ZBTB10: variants seen among roughly 807,000 people sequenced by gnomAD.
ZBTB10 encodes zinc finger and BTB domain-containing protein 10.
ZBTB10 carries 32 observed loss-of-function variants against 76.4 expected under a neutral mutation model. The ratio of observed to expected loss-of-function variants is 0.42; its 90% CI spans 0.32 to 0.56. ZBTB10 has a LOEUF of 0.56. ZBTB10 is among the 20% of genes least tolerant of loss of function. ZBTB10 has a pLI of 0.14. For synonymous variants in ZBTB10, 523 were observed against 432.9 expected (o/e 1.21, Z -2.58); for missense variants, 1,057 against 1,098.5 (o/e 0.96, Z 0.53).
upstream of ZBTB10, chr8:80,486,025 C>T: frequency 9.8e-7 from 1 of 1,021,324 alleles, no homozygotes. Flanking sequence ...CCCAACCCCT[C>T]GGCCGACTTC....
chr8:80,495,229 G>A (rs538416036), intron 1 of ZBTB10, among the ~76,000 whole-genome samples: 46 of 151,516 alleles, frequency 3.0e-4, no homozygotes, highest in African/African-American at 1.0e-3. Context: ...CTTCCAAAGT[G>A]CTGAGATTAC....
In ZBTB10 at chr8:80,498,393, G is replaced by T. The variant is rs73257158; in HGVS notation, c.973-1101G>T. On this transcript the variant is annotated intron_variant, in intron 1 of 5. Coordinates refer to ENST00000455036, the MANE Select transcript of ZBTB10 (RefSeq NM_001105539.3). ...GTTTAACTTAATATTTTGTGCCAAA[G>T]AATTGACACTTGAATAAGGTCAGTA... Among the ~76,000 whole-genome samples the T allele has an allele frequency of 5.4e-3, 828 of 152,282 alleles. 8 individuals carry two copies. The highest frequency in any genetic ancestry group is 0.018 in the African/African-American group (747 of 41,556).
chr8:80,516,861 C>T (rs532715380), intron 3 of ZBTB10, among the ~76,000 whole-genome samples: 2 of 152,260 alleles, frequency 1.3e-5, no homozygotes, highest in South Asian at 2.1e-4. Context: ...TTAGGAAATC[C>T]ATTTGGGTAA....
chr8:80,525,288 A>G lies in ZBTB10; in HGVS notation c.*5760A>G, dbSNP rs1357202830. On this transcript the variant is annotated 3_prime_UTR_variant, in exon 6 of 6. Coordinates refer to ENST00000455036, the MANE Select transcript of ZBTB10 (RefSeq NM_001105539.3). ...GAAGTTTAAAGAAAGAAAGTGAACT[A>G]TAGAAATCTATTCAGCTAATTAAAG... 1 of 152,122 alleles carries G rather than the reference A, an allele frequency of 6.6e-6. No individual in the cohort carries two copies. Among genetic ancestry groups the G allele is most frequent in the Non-Finnish European group, 1.5e-5 (1 of 68,002 alleles). The allele number at this position is 152,122 out of a possible 1,614,324, so 9.4% of individuals were successfully genotyped here.
chr8:80,505,292 A>G (rs1816021078), intron 2 of ZBTB10, among the ~76,000 whole-genome samples: 1 of 152,224 alleles, frequency 6.6e-6, no homozygotes. Flanking sequence ...GACTTCTGAA[A>G]GGAATTTCTC....
At chr8:80,510,239 C>T (rs763134221) in intron 2 of ZBTB10, among the ~76,000 whole-genome samples, 2 of 152,138 alleles carry the variant, frequency 1.3e-5, no homozygotes, top group African/African-American at 4.8e-5. Flanking sequence ...TAGCAAAGTA[C>T]GTGTGAATAT....
In ZBTB10 at chr8:80,494,825, T is replaced by G. The variant is rs151022965; in HGVS notation, c.973-4669T>G. ...TTATAGTCCCAGCTACTTGGGAGACTGAGACAGGAGGATCCCTTGAACCCA... is the reference window on the plus strand; with the variant it reads ...TTATAGTCCCAGCTACTTGGGAGACGGAGACAGGAGGATCCCTTGAACCCA... On this transcript the variant is annotated intron_variant, in intron 1 of 5. Transcript: ENST00000455036. Among the ~76,000 whole-genome samples, 32 of 150,332 alleles carry G rather than the reference T, an allele frequency of 2.1e-4. No homozygotes were observed. In the East Asian group the frequency reaches 6.1e-3, roughly 29 times the overall value.
Position 80,521,969 on chromosome 8 carries a change from T to A in ZBTB10, c.*2441T>A, listed in dbSNP as rs953990530. 3 of 151,908 alleles carry A rather than the reference T, an allele frequency of 2.0e-5. No individual in the cohort carries two copies. Among genetic ancestry groups the A allele is most frequent in the Non-Finnish European group, 4.4e-5 (3 of 67,804 alleles). 9.4% of individuals were successfully genotyped at this position (151,908 alleles called of 1,614,324 possible). ...GTTTTTAGGTAATCCAAAGGAAAAG[T>A]GTTTATACTCTTGAATATATTAGCC... On this transcript the variant is annotated 3_prime_UTR_variant, in exon 6 of 6. Transcript: ENST00000455036.
Position 80,519,545 on chromosome 8 carries a change from C to A in ZBTB10, c.*17C>A. On this transcript the variant is annotated 3_prime_UTR_variant, in exon 6 of 6. Transcript: ENST00000455036. ...GATGATTAACTGACCTACTATACTC[C>A]TCAAGGATGCTGCATTTGGACCTAA... 6.3e-7 allele frequency: 1 copy of A among 1,586,620 alleles called. No homozygotes were observed. Among genetic ancestry groups the A allele is most frequent in the Non-Finnish European group, 8.6e-7 (1 of 1,165,014 alleles).
At chr8:80,515,238 A>G (rs530920807) in intron 3 of ZBTB10, among the ~76,000 whole-genome samples, 74 of 152,334 alleles carry the variant, frequency 4.9e-4, no homozygotes, top group African/African-American at 1.7e-3. Flanking sequence ...GTGTGTACAT[A>G]AAAACTTGAC....
intron 1 of ZBTB10, among the ~76,000 whole-genome samples, chr8:80,492,954 C>T (rs943067880): frequency 6.6e-6 from 1 of 151,886 alleles, no homozygotes; most frequent in Non-Finnish European, 1.5e-5. Flanking sequence ...TGGTTCATGC[C>T]TGTAATCCCA....
chr8:80,522,472 G>C lies in ZBTB10; in HGVS notation c.*2944G>C, dbSNP rs1462231943. The C allele has an allele frequency of 6.6e-6, 1 of 151,928 alleles. No homozygotes were observed. Among genetic ancestry groups the C allele is most frequent in the Non-Finnish European group, 1.5e-5 (1 of 67,870 alleles). 9.4% of individuals were successfully genotyped at this position (151,928 alleles called of 1,614,324 possible). A position where few individuals can be genotyped will look rare whatever the true frequency, so the allele number is the denominator to read the frequency against. On this transcript the variant is annotated 3_prime_UTR_variant, in exon 6 of 6. Coordinates refer to ENST00000455036, the MANE Select transcript of ZBTB10 (RefSeq NM_001105539.3). ...TGCATTATTAGAGTTCTCAGAGACA[G>C]ATACTTCCATATGGACCCCTGTTCA...
upstream of ZBTB10, chr8:80,485,645 G>A (rs1011862186): frequency 1.6e-6 from 1 of 639,968 alleles, no homozygotes; most frequent in African/African-American, 1.9e-5. Flanking sequence ...GGGGCCCGAG[G>A]TGCTGCCTCG....
At chr8:80,517,522 A>C (rs1443580760) in intron 3 of ZBTB10, among the ~76,000 whole-genome samples, 1 of 152,166 alleles carries the variant, frequency 6.6e-6, no homozygotes, top group Non-Finnish European at 1.5e-5. Flanking sequence ...GTTAGAAAGA[A>C]ATTTCAGGGA....
intron 1 of ZBTB10, among the ~76,000 whole-genome samples, chr8:80,495,135 C>CTTT (rs368299745): frequency 5.0e-5 from 7 of 140,526 alleles, no homozygotes; most frequent in Non-Finnish European, 6.2e-5. Flanking sequence ...CTCTCTCTCT[C>CTTT]TTTTTTTTTT....
upstream of ZBTB10, chr8:80,485,920 C>A (rs1262881748): frequency 1.3e-6 from 2 of 1,524,264 alleles, no homozygotes; most frequent in Admixed American, 2.0e-5. Flanking sequence ...CAGACCCTGA[C>A]ACTCGCCAGC....
chr8:80,492,258 A>G (rs1815650494), intron 1 of ZBTB10, among the ~76,000 whole-genome samples: 1 of 152,222 alleles, frequency 6.6e-6, no homozygotes, highest in Non-Finnish European at 1.5e-5. Context: ...ACTTGTTAGC[A>G]GTGTCTGACT....
Position 80,494,785 on chromosome 8 carries a change from G to A in ZBTB10, c.973-4709G>A, listed in dbSNP as rs140342008. Among the ~76,000 whole-genome samples, 147 of 152,006 alleles carry A rather than the reference G, an allele frequency of 9.7e-4. 1 individual carries two copies. Among genetic ancestry groups the A allele is most frequent in the African/African-American group, 3.1e-3 (130 of 41,458 alleles). On this transcript the variant is annotated intron_variant, in intron 1 of 5. Coordinates refer to ENST00000455036, the MANE Select transcript of ZBTB10 (RefSeq NM_001105539.3). ...ATTTAAAAAAATAAAATAACTGGGC[G>A]TGGTGGCACACATCTTATAGTCCCA...
At chr8:80,513,463 G>T (rs1007678962) in intron 2 of ZBTB10, among the ~76,000 whole-genome samples, 9 of 152,090 alleles carry the variant, frequency 5.9e-5, no homozygotes, top group Non-Finnish European at 1.0e-4. Context: ...GCTTTAATTG[G>T]TCTCCACTTC....
Sources: allele counts gnomAD v4.1 joint callset (sites outside exome capture counted in the v4.1 genomes callset), GRCh38; gene constraint gnomAD v4.1.1; transcripts MANE v1.5; gene names NCBI Gene and HGNC (gene_info 2026-07-23, HGNC 2026-07-21).